KCNH1: variants seen among roughly 807,000 people sequenced by gnomAD.
The protein encoded by KCNH1 is potassium voltage-gated channel subfamily H member 1.
In KCNH1, 27 loss-of-function variants were observed where a neutral mutation model predicts 69.2. That is an observed-to-expected ratio of 0.39 (90% CI 0.29 to 0.54). The LOEUF (loss-of-function observed/expected upper bound fraction) is 0.54, where lower values mean the gene tolerates loss of function less well. Ranked by LOEUF, KCNH1 falls within the 20% of genes least tolerant of loss-of-function variation. The pLI is 0.68. For synonymous variants in KCNH1, 456 were observed against 487.7 expected (o/e 0.93, Z 0.86); for missense variants, 798 against 1,261.6 (o/e 0.63, Z 5.57).
intron 10 of KCNH1, among the ~76,000 whole-genome samples, chr1:210,718,183 G>A (rs1682310533): frequency 6.9e-6 from 1 of 144,672 alleles, no homozygotes; most frequent in Non-Finnish European, 1.5e-5. Context: ...AACATAATAT[G>A]TCCAAAATAT....
intron 10 of KCNH1, among the ~76,000 whole-genome samples, chr1:210,742,091 A>T (rs912472463): frequency 6.6e-6 from 1 of 152,216 alleles, no homozygotes; most frequent in African/African-American, 2.4e-5. Context: ...AGTGCTGCCT[A>T]ACCAAAGGCC....
At chr1:210,823,821 C>T (rs781182067) in intron 7 of KCNH1, among the ~76,000 whole-genome samples, 53 of 152,140 alleles carry the variant, frequency 3.5e-4, no homozygotes, top group Non-Finnish European at 6.8e-4. Context: ...GAGGCCTGAG[C>T]GCTTTATTAC....
chr1:210,712,453 C>T (rs1682101799), intron 10 of KCNH1, among the ~76,000 whole-genome samples: 1 of 152,144 alleles, frequency 6.6e-6, no homozygotes, highest in South Asian at 2.1e-4. Flanking sequence ...CTTAGAGGCT[C>T]ACAGCAGAAC....
chr1:210,934,184 T>A (rs1313544596), intron 6 of KCNH1, among the ~76,000 whole-genome samples: 1 of 152,092 alleles, frequency 6.6e-6, no homozygotes, highest in Non-Finnish European at 1.5e-5. Flanking sequence ...AATAGACAAA[T>A]GGGATTATAT....
In KCNH1 at chr1:210,856,748, C is replaced by T. The variant is rs535674394; in HGVS notation, c.1463-52582G>A. 2.3e-4 allele frequency among the ~76,000 whole-genome samples: 32 copies of T among 141,722 alleles called. 1 individual carries two copies. In the South Asian group the frequency reaches 5.7e-3, roughly 25 times the overall value. The allele number at this position is 141,722 out of a possible 152,430, so 93.0% of individuals were successfully genotyped here. A position where few individuals can be genotyped will look rare whatever the true frequency, so the allele number is the denominator to read the frequency against. On this transcript the variant is annotated intron_variant, in intron 7 of 10. Transcript: ENST00000271751. The stretch of plus-strand genomic sequence containing the variant: ...ACCCAGAGGAGCACATTGGAATCAC[C>T]GGTAGAGGAGGTGTTTGTTATATAT...
intron 6 of KCNH1, among the ~76,000 whole-genome samples, chr1:210,945,724 T>C (rs1001536208): frequency 4.6e-5 from 7 of 152,316 alleles, no homozygotes; most frequent in African/African-American, 1.7e-4. Flanking sequence ...CTCAGACACA[T>C]TGGGTACCCT....
At chr1:210,738,398 T>C (rs1334934073) in intron 10 of KCNH1, among the ~76,000 whole-genome samples, 1 of 152,152 alleles carries the variant, frequency 6.6e-6, no homozygotes, top group Non-Finnish European at 1.5e-5. Context: ...TGAGAAAATG[T>C]AGCTAAAGCT....
intron 7 of KCNH1, among the ~76,000 whole-genome samples, chr1:210,856,507 A>G (rs1685840327): frequency 6.6e-6 from 1 of 151,834 alleles, no homozygotes; most frequent in Non-Finnish European, 1.5e-5. Flanking sequence ...AAAGAACACA[A>G]ATGAAGGCAA....
intron 3 of KCNH1, among the ~76,000 whole-genome samples, chr1:211,096,760 T>A (rs923290184): frequency 6.6e-6 from 1 of 152,216 alleles, no homozygotes; most frequent in Admixed American, 6.5e-5. Context: ...CTAACTCTGA[T>A]GAATTAAAAT....
chr1:210,809,820 G>C (rs1027474638), intron 7 of KCNH1, among the ~76,000 whole-genome samples: 1 of 152,168 alleles, frequency 6.6e-6, no homozygotes, highest in Non-Finnish European at 1.5e-5. Context: ...GAAAGACTAA[G>C]GGCGTTTAGT....
intron 6 of KCNH1, among the ~76,000 whole-genome samples, chr1:210,930,071 G>A (rs550024475): frequency 1.3e-5 from 2 of 152,244 alleles, no homozygotes; most frequent in East Asian, 1.9e-4. Context: ...GCTCATGGAT[G>A]GGTAGAACCA....
At chr1:211,085,157 G>A (rs1197474104) in intron 4 of KCNH1, among the ~76,000 whole-genome samples, 1 of 152,110 alleles carries the variant, frequency 6.6e-6, no homozygotes, top group Non-Finnish European at 1.5e-5. Flanking sequence ...CACACAGAAG[G>A]AACAGCACCT....
chr1:211,039,530 A>G (rs538691965), intron 5 of KCNH1, among the ~76,000 whole-genome samples: 1 of 152,198 alleles, frequency 6.6e-6, no homozygotes, highest in Admixed American at 6.5e-5. Context: ...ACGCCAGCCC[A>G]TTAAAGCAAA....
intron 10 of KCNH1, among the ~76,000 whole-genome samples, chr1:210,751,446 G>T (rs570845992): frequency 7.9e-5 from 12 of 152,188 alleles, no homozygotes; most frequent in Non-Finnish European, 1.8e-4. Context: ...TTTAGCAAGA[G>T]TCAGAAGAGG....
intron 5 of KCNH1, among the ~76,000 whole-genome samples, chr1:211,050,763 A>G (rs886138151): frequency 6.6e-6 from 1 of 152,142 alleles, no homozygotes; most frequent in Admixed American, 6.5e-5. Flanking sequence ...ATAGTTTTCC[A>G]TTATCCATGA....
At chr1:211,059,276 T>A (rs1230245002) in intron 5 of KCNH1, among the ~76,000 whole-genome samples, 6 of 142,320 alleles carry the variant, frequency 4.2e-5, no homozygotes, top group Non-Finnish European at 7.6e-5. Context: ...CGAGACTCCA[T>A]CTCAAAAAAA....
chr1:211,040,533 G>T (rs1689977131), intron 5 of KCNH1, among the ~76,000 whole-genome samples: 1 of 152,090 alleles, frequency 6.6e-6, no homozygotes, highest in South Asian at 2.1e-4. Context: ...ATGATTCTGA[G>T]GCCTCCCTAG....
intron 5 of KCNH1, among the ~76,000 whole-genome samples, chr1:211,075,029 A>G (rs532731083): frequency 6.6e-6 from 1 of 152,360 alleles, no homozygotes; most frequent in African/African-American, 2.4e-5. Context: ...TTGGGCAAAG[A>G]CTTGCAGTTA....
intron 7 of KCNH1, chr1:210,861,429 C>T: frequency 1.3e-6 from 1 of 776,706 alleles, no homozygotes; most frequent in Non-Finnish European, 2.4e-6. Flanking sequence ...TCATTATACT[C>T]CTAGGAAACA....
Sources: allele counts gnomAD v4.1 joint callset (sites outside exome capture counted in the v4.1 genomes callset), GRCh38; gene constraint gnomAD v4.1.1; transcripts MANE v1.5; gene names NCBI Gene and HGNC (gene_info 2026-07-23, HGNC 2026-07-21).